TOGARAM1: variants seen among roughly 807,000 people sequenced by gnomAD.
The protein encoded by TOGARAM1 is TOG array regulator of axonemal microtubules 1.
A neutral mutation model predicts 166.6 loss-of-function variants in TOGARAM1; 100 were observed. That is an observed-to-expected ratio of 0.60 (90% CI 0.51 to 0.71). The LOEUF is 0.71. Among genes scored for constraint, TOGARAM1 ranks in the 30% least tolerant of loss-of-function variants. TOGARAM1 has a pLI of 0.00. For missense variants in TOGARAM1, 2,029 were observed against 2,102.7 expected, an observed-to-expected ratio of 0.96 and a Z score of 0.69; for synonymous variants, 758 against 763.8, an observed-to-expected ratio of 0.99 and a Z score of 0.13.
chr14:44,968,740 G>T (rs73348279), intron 1 of TOGARAM1, among the ~76,000 whole-genome samples: 6,970 of 152,204 alleles, frequency 0.046, 535 homozygotes, highest in African/African-American at 0.16. Context: ...TTTACATTAA[G>T]ATTCACTCTT....
At chr14:44,971,067 C>T (rs903940696) in intron 1 of TOGARAM1, among the ~76,000 whole-genome samples, 2 of 151,702 alleles carry the variant, frequency 1.3e-5, no homozygotes, top group Non-Finnish European at 2.9e-5. Context: ...GTAGTGCTGG[C>T]CTTTTAGAAT....
Position 45,030,108 on chromosome 14 carries a change from C to A in TOGARAM1, c.3658+1779C>A, listed in dbSNP as rs566633840. ...ATGCTGGGATTACAGGTGTGAGCCA[C>A]CATGCCCAGCCAACAGTGGAAGTTT... On this transcript the variant is annotated intron_variant, in intron 10 of 19. Coordinates refer to ENST00000361462, the MANE Select transcript of TOGARAM1 (RefSeq NM_001308120.2). Among the ~76,000 whole-genome samples, 8 of 152,162 alleles carry A rather than the reference C, an allele frequency of 5.3e-5. No homozygotes were observed. The South Asian group carries it at 6.2e-4, about 12-fold the overall frequency.
In TOGARAM1 at chr14:45,073,671, C is replaced by A; in HGVS notation, c.*110C>A. ...GCACTTCACATCCAGCAAATTAAGT[C>A]AATGGCTATTTTTATTTGCAGCCTA... On this transcript the variant is annotated 3_prime_UTR_variant, in exon 20 of 20. Transcript: ENST00000361462. 9.9e-7 allele frequency: 1 copy of A among 1,006,890 alleles called. No individual in the cohort carries two copies. The highest frequency in any genetic ancestry group is 1.4e-6 in the Non-Finnish European group (1 of 701,924). 62.4% of individuals were successfully genotyped at this position (1,006,890 alleles called of 1,614,324 possible).
At chr14:45,007,984 T>A (rs919836222) in intron 5 of TOGARAM1, 1 of 152,196 alleles carries the variant, frequency 6.6e-6, no homozygotes, top group African/African-American at 2.4e-5. Context: ...TTCATTAAGT[T>A]TTTCACTGTA....
At chr14:44,987,346 A>C (rs558287852) in intron 1 of TOGARAM1, among the ~76,000 whole-genome samples, 1 of 152,214 alleles carries the variant, frequency 6.6e-6, no homozygotes, top group African/African-American at 2.4e-5. Flanking sequence ...AAATTTTTGC[A>C]ATCTACTCAT....
chr14:45,019,774 G>T (rs1014410319), intron 7 of TOGARAM1, among the ~76,000 whole-genome samples: 1 of 152,170 alleles, frequency 6.6e-6, no homozygotes, highest in South Asian at 2.1e-4. Context: ...TTAGGGACTC[G>T]CTGTCGGCCT....
intron 1 of TOGARAM1, among the ~76,000 whole-genome samples, chr14:44,989,996 A>T (rs1420122269): frequency 1.3e-5 from 2 of 152,188 alleles, no homozygotes; most frequent in African/African-American, 2.4e-5. Flanking sequence ...ATCAGGCCTC[A>T]TGAGAATTCA....
rs1885389759 is a variant in TOGARAM1 at position 44,964,238 on chromosome 14, A to G, written c.1817A>G (p.His606Arg). ...GGGGGTAGGTCAAACCATTTGGCAC[A>G]TGGAGCAGATACGGACTGGCTTTTG... Reference protein sequence around the residue: ...SAGGRSNHLAHGADTDWLLAG... With the variant: ...SAGGRSNHLARGADTDWLLAG... Residue 606 changes from histidine to arginine, a missense_variant, in exon 1 of 20, where the codon CAT (histidine) becomes CGT (arginine). His to Arg is a conservative substitution (Grantham distance 29). Transcript: ENST00000361462. The G allele has an allele frequency of 1.9e-6, 3 of 1,614,214 alleles. No homozygotes were observed. The highest frequency in any genetic ancestry group is 1.7e-5 in the Admixed American group (1 of 60,024).
chr14:45,007,066 GT>G (rs1234154488), intron 5 of TOGARAM1: 1 of 151,474 alleles, frequency 6.6e-6, no homozygotes, highest in Admixed American at 6.6e-5. Flanking sequence ...TTCAAGTCAG[GT>G]TAAAAAAAAA....
At chr14:44,987,179 T>A (rs1886865478) in intron 1 of TOGARAM1, among the ~76,000 whole-genome samples, 2 of 151,778 alleles carry the variant, frequency 1.3e-5, no homozygotes, top group African/African-American at 4.8e-5. Flanking sequence ...GACCTCGTGA[T>A]CTGCCCGCCT....
At chr14:45,045,744 T>C (rs1252311345) in intron 13 of TOGARAM1, among the ~76,000 whole-genome samples, 1 of 142,768 alleles carries the variant, frequency 7.0e-6, no homozygotes, top group Admixed American at 7.2e-5. Context: ...TATACACATA[T>C]GTATATATAT....
intron 7 of TOGARAM1, among the ~76,000 whole-genome samples, chr14:45,020,618 A>G (rs555868335): frequency 6.6e-6 from 1 of 151,978 alleles, no homozygotes; most frequent in Non-Finnish European, 1.5e-5. Flanking sequence ...CATAGGGTGC[A>G]CTAAGAATGA....
intron 1 of TOGARAM1, among the ~76,000 whole-genome samples, chr14:44,992,990 T>C (rs1887227950): frequency 6.6e-6 from 1 of 151,546 alleles, no homozygotes; most frequent in Non-Finnish European, 1.5e-5. Flanking sequence ...AGGCTGTGTG[T>C]AGTGGCTCAC....
intron 1 of TOGARAM1, among the ~76,000 whole-genome samples, chr14:44,973,906 C>CTGTTT (rs371905593): frequency 2.0e-5 from 3 of 151,084 alleles, no homozygotes; most frequent in East Asian, 1.9e-4. Context: ...AGGTAATGTT[C>CTGTTT]TGTTTTGTTT....
intron 7 of TOGARAM1, among the ~76,000 whole-genome samples, chr14:45,016,887 T>C (rs1449095294): frequency 6.6e-6 from 1 of 152,154 alleles, no homozygotes; most frequent in African/African-American, 2.4e-5. Context: ...GAAGTTGAGA[T>C]AGGTTTAGAG....
At chr14:45,015,307 AAAATAAATAAATAAATAAATAAAT>A (rs34431693) in intron 7 of TOGARAM1, among the ~76,000 whole-genome samples, 1 of 146,742 alleles carries the variant, frequency 6.8e-6, no homozygotes, top group African/African-American at 2.5e-5. Flanking sequence ...CCTATCTCAA[AAAATAAATAAATAAATAAATAAAT>A]AAATAAATAA....
Position 45,009,069 on chromosome 14 carries a change from T to TA in TOGARAM1, c.3062dup (p.Tyr1021Ter). 6.2e-7 allele frequency: 1 copy of TA among 1,614,088 alleles called. No homozygotes were observed. Among genetic ancestry groups the TA allele is most frequent in the Non-Finnish European group, 8.5e-7 (1 of 1,179,978 alleles). Residue 1021 changes from tyrosine (Y) to a stop codon, truncating the protein, a stop_gained and frameshift_variant, in exon 6 of 20, where the codon TAC becomes TAAC. Transcript: ENST00000361462. LOFTEE classifies it high-confidence loss of function. ...GTCTTCCTCACCAAACATCAATTCTTACAGTGAAAGTGGAGTTTACAGCCA... is the reference window on the plus strand; with the variant it reads ...GTCTTCCTCACCAAACATCAATTCTTAACAGTGAAAGTGGAGTTTACAGCCA... Reference protein sequence around the residue: ...SLSSSPNINSYSESGVYSQES... With the variant: ...SLSSSPNINS
At chr14:45,059,215 C>T (rs1276290430) in intron 16 of TOGARAM1, among the ~76,000 whole-genome samples, 2 of 152,126 alleles carry the variant, frequency 1.3e-5, no homozygotes, top group Non-Finnish European at 2.9e-5. Flanking sequence ...CCTGGGACTA[C>T]AGGTGCACAC....
intron 1 of TOGARAM1, among the ~76,000 whole-genome samples, chr14:44,972,295 G>A (rs999705789): frequency 6.6e-6 from 1 of 151,662 alleles, no homozygotes; most frequent in Non-Finnish European, 1.5e-5. Flanking sequence ...GCGATAGAAC[G>A]TGGTATTTCT....
Sources: allele counts gnomAD v4.1 joint callset (sites outside exome capture counted in the v4.1 genomes callset), GRCh38; gene constraint gnomAD v4.1.1; transcripts MANE v1.5; gene names NCBI Gene and HGNC (gene_info 2026-07-23, HGNC 2026-07-21).